SCN10A: variants seen among roughly 807,000 people sequenced by gnomAD.
The protein encoded by SCN10A is sodium voltage-gated channel alpha subunit 10.
In SCN10A, 162 loss-of-function variants were observed where a neutral mutation model predicts 170.7. That is an observed-to-expected ratio of 0.95 (90% CI 0.84 to 1.08). SCN10A has a LOEUF of 1.08. Ranked by LOEUF, SCN10A falls within the 50% of genes least tolerant of loss-of-function variation. SCN10A has a pLI of 0.00. For synonymous variants in SCN10A, 985 were observed against 904.6 expected (o/e 1.09, Z -1.59); for missense variants, 2,527 against 2,436.9 (o/e 1.04, Z -0.78).
At chr3:38,723,960 G>A (rs2063425216) in intron 18 of SCN10A, among the ~76,000 whole-genome samples, 1 of 152,188 alleles carries the variant, frequency 6.6e-6, no homozygotes, top group South Asian at 2.1e-4. Flanking sequence ...ATGGTGGGGC[G>A]GGTCCCCATT....
At chr3:38,748,709 C>A (rs1352192711) in intron 13 of SCN10A, among the ~76,000 whole-genome samples, 1 of 152,194 alleles carries the variant, frequency 6.6e-6, no homozygotes, top group Non-Finnish European at 1.5e-5. Context: ...CAGCTCCTCT[C>A]TGCCATTCTG....
At chr3:38,765,980 T>G (rs1445329754) in intron 5 of SCN10A, among the ~76,000 whole-genome samples, 2 of 66,162 alleles carry the variant, frequency 3.0e-5, no homozygotes, top group African/African-American at 4.2e-5. Flanking sequence ...TTTATTTTTG[T>G]TTTTTTTTTG....
At chr3:38,809,414 G>A (rs1166370264) in intron 1 of SCN10A, among the ~76,000 whole-genome samples, 2 of 152,222 alleles carry the variant, frequency 1.3e-5, no homozygotes, top group South Asian at 2.1e-4. Flanking sequence ...GTCATAGCCT[G>A]GAAGTGCCAG....
Position 38,722,422 on chromosome 3 carries a change from G to T in SCN10A, c.3353-10C>A. On this transcript the variant is annotated splice_polypyrimidine_tract_variant and intron_variant, in intron 19 of 27. Coordinates refer to ENST00000449082, the MANE Select transcript of SCN10A (RefSeq NM_006514.4). ...CAGTGGCGAATGCATCCTGTGGGGAGAGGTGACTGATGGTGGGTGATGGCC... is the reference window on the plus strand; with the variant it reads ...CAGTGGCGAATGCATCCTGTGGGGATAGGTGACTGATGGTGGGTGATGGCC... 1 of 1,612,326 alleles carries T rather than the reference G, an allele frequency of 6.2e-7. No individual in the cohort carries two copies.
chr3:38,726,991 G>A lies in SCN10A; in HGVS notation c.2702C>T (p.Pro901Leu), dbSNP rs370965011. The change falls in exon 17 of 28, where the codon CCG (proline) becomes CTG (leucine). Residue 901 changes from proline (P) to leucine (L), a missense_variant. Transcript: ENST00000449082. ...NSFSADNLTA[P>L]EDDGEVNNLQ... The stretch of plus-strand genomic sequence containing the variant: ...GTTGTTCACCTCCCCATCGTCCTCC[G>A]GGGCTGTGAGGTTGTCAGCACTGAA... 3.8e-5 allele frequency: 61 copies of A among 1,614,064 alleles called. 1 individual carries two copies. Among genetic ancestry groups the A allele is most frequent in the South Asian group, 3.3e-4 (30 of 91,084 alleles).
intron 1 of SCN10A, among the ~76,000 whole-genome samples, chr3:38,798,409 G>A (rs2064352882): frequency 6.6e-6 from 1 of 152,162 alleles, no homozygotes; most frequent in African/African-American, 2.4e-5. Context: ...CTAGATCCCT[G>A]GGAAATGAGC....
rs71085336 is a variant in SCN10A, at chr3:38,746,100, T to TATATATATATATCTAG, written c.1868-3572_1868-3571insCTAGATATATATATAT. Among the ~76,000 whole-genome samples the TATATATATATATCTAG allele has an allele frequency of 3.7e-3, 371 of 99,778 alleles. 26 individuals are homozygous for TATATATATATATCTAG. Among genetic ancestry groups the TATATATATATATCTAG allele is most frequent in the East Asian group, 7.8e-3 (22 of 2,834 alleles). 65.5% of individuals were successfully genotyped at this position (99,778 alleles called of 152,430 possible). A position where few individuals can be genotyped will look rare whatever the true frequency, so the allele number is the denominator to read the frequency against. ...ATATATATATATATATATATATATA[T>TATATATATATATCTAG]GCCATCTTTGTCATCTAAGTTCTAG... On this transcript the variant is annotated intron_variant, in intron 13 of 27. Coordinates refer to ENST00000449082, the MANE Select transcript of SCN10A (RefSeq NM_006514.4).
chr3:38,722,211 G>C lies in SCN10A; in HGVS notation c.3507+47C>G, dbSNP rs748702455. ...GCTCCAGGGCCTTTGGATTGTAGGA[G>C]ATTCCTATCTGGAGGATTTGGGGGC... On this transcript the variant is annotated intron_variant, in intron 20 of 27. Transcript: ENST00000449082. The C allele has an allele frequency of 3.2e-6, 5 of 1,573,852 alleles. No homozygotes were observed. The East Asian group carries it at 1.1e-4, about 35-fold the overall frequency.
intron 1 of SCN10A, among the ~76,000 whole-genome samples, chr3:38,808,797 T>C (rs2064422077): frequency 6.6e-6 from 1 of 152,098 alleles, no homozygotes; most frequent in Admixed American, 6.6e-5. Context: ...GCAAGAAAAC[T>C]AAAATGGGGC....
At chr3:38,736,973 T>TTTTTTTTTTTTTTTTTG (rs2063570110) in intron 15 of SCN10A, among the ~76,000 whole-genome samples, 1 of 100,198 alleles carries the variant, frequency 1.0e-5, no homozygotes, top group Non-Finnish European at 2.1e-5. Context: ...GTTTTTTTTT[T>TTTTTTTTTTTTTTTTTG]TTTTTTTTTT....
intron 11 of SCN10A, among the ~76,000 whole-genome samples, chr3:38,754,614 C>T (rs779383112): frequency 3.3e-5 from 5 of 152,188 alleles, no homozygotes; most frequent in Non-Finnish European, 5.9e-5. Context: ...CTGTGATTGT[C>T]TGAACTGTGC....
At position 38,697,815 on chromosome 3, in the gene SCN10A, T is replaced by C. The variant is rs773579566; in HGVS notation, c.5405A>G (p.Asp1802Gly). 4 of 1,614,158 alleles carry C rather than the reference T, an allele frequency of 2.5e-6. No individual in the cohort carries two copies. Among genetic ancestry groups the C allele is most frequent in the East Asian group, 2.2e-5 (1 of 44,866 alleles). Residue 1802 changes from aspartate (D) to glycine (G), a missense_variant, in exon 28 of 28, where the codon GAC becomes GGC. Coordinates refer to ENST00000449082, the MANE Select transcript of SCN10A (RefSeq NM_006514.4). ...ATTCTTGGTGAAAGCAAAAAGGATGTCCAAGCAGTGGATCTTATCTCCAGG... is the reference window on the plus strand; with the variant it reads ...ATTCTTGGTGAAAGCAAAAAGGATGCCCAAGCAGTGGATCTTATCTCCAGG... ...LVPGDKIHCL[D>G]ILFAFTKNVL...
chr3:38,809,546 G>A (rs2064426729), intron 1 of SCN10A, among the ~76,000 whole-genome samples: 1 of 152,184 alleles, frequency 6.6e-6, no homozygotes, highest in African/African-American at 2.4e-5. Context: ...ATCACAATTA[G>A]GTGCTGTGGA....
intron 6 of SCN10A, 47 bp from the exon 7 acceptor site, chr3:38,761,430 C>T (rs1424558591): frequency 2.9e-5 from 44 of 1,504,066 alleles, no homozygotes; most frequent in Non-Finnish European, 3.9e-5. Flanking sequence ...AGGTAGCACA[C>T]ACGGAGCACA....
chr3:38,802,588 C>A (rs1030056605), intron 1 of SCN10A, among the ~76,000 whole-genome samples: 1 of 152,118 alleles, frequency 6.6e-6, no homozygotes, highest in African/African-American at 2.4e-5. Flanking sequence ...GGAAAACAGG[C>A]TAGCCATATG....
intron 1 of SCN10A, among the ~76,000 whole-genome samples, chr3:38,794,773 T>C (rs2064327826): frequency 6.6e-6 from 1 of 152,166 alleles, no homozygotes; most frequent in South Asian, 2.1e-4. Context: ...TAGTCAGCAG[T>C]TTCTTCTAGT....
At chr3:38,716,623 T>C (rs150041813) in intron 21 of SCN10A, among the ~76,000 whole-genome samples, 34 of 152,154 alleles carry the variant, frequency 2.2e-4, no homozygotes, top group African/African-American at 7.9e-4. Flanking sequence ...TACAATAAAA[T>C]ATATTTTTTA....
In SCN10A at chr3:38,752,265, T is replaced by G. The variant is rs1576001748; in HGVS notation, c.1709A>C (p.Gln570Pro). The change falls in exon 12 of 28, where the codon CAA (glutamine) becomes CCA (proline). Residue 570 changes from glutamine (Q) to proline (P), a missense_variant. Gln to Pro is a moderately conservative substitution (Grantham distance 76). Coordinates refer to ENST00000449082, the MANE Select transcript of SCN10A (RefSeq NM_006514.4). ...GGCAAGCTCACTAGTGGGCGGCGGT[T>G]GGTGTTCATCTTCTCCATGCCTGGA... is the stretch of plus-strand genomic sequence containing the variant. Reference protein sequence around the residue: ...PDSRHGEDEHQPPPTSELAPG... With the variant: ...PDSRHGEDEHPPPPTSELAPG... The G allele has an allele frequency of 6.3e-6, 10 of 1,577,540 alleles. No individual in the cohort carries two copies. The East Asian group carries it at 2.3e-4, about 37-fold the overall frequency.
chr3:38,793,702 C>A, intron 2 of SCN10A, 39 bp downstream of exon 2: 1 of 1,591,640 alleles, frequency 6.3e-7, no homozygotes. Flanking sequence ...ACTTCCTCTC[C>A]AAGAGCTGAG....
Sources: allele counts gnomAD v4.1 joint callset (sites outside exome capture counted in the v4.1 genomes callset), GRCh38; gene constraint gnomAD v4.1.1; transcripts MANE v1.5; gene names NCBI Gene and HGNC (gene_info 2026-07-23, HGNC 2026-07-21).